The following VPS4B variants were observed in gnomAD, a reference collection of about 807,000 sequenced individuals.
VPS4B encodes vacuolar protein sorting 4 homolog B.
A neutral mutation model predicts 56.1 loss-of-function variants in VPS4B; 23 were observed. The observed-to-expected ratio is 0.41, with a 90% CI of 0.30 to 0.58. VPS4B has a LOEUF of 0.58. Ranked by LOEUF, VPS4B falls within the 20% of genes least tolerant of loss-of-function variation. VPS4B has a pLI of 0.29. For synonymous variants in VPS4B, 177 were observed against 186.0 expected, an observed-to-expected ratio of 0.95 and a Z score of 0.39; for missense variants, 372 against 531.9, an observed-to-expected ratio of 0.70 and a Z score of 2.96.
chr18:63,413,132 A>G (rs4530253), intron 1 of VPS4B, among the ~76,000 whole-genome samples: 91,242 of 152,010 alleles, frequency 0.6, 28,788 homozygotes, highest in East Asian at 0.88. Flanking sequence ...AAAAACACAT[A>G]AGGACAAGTA....
intron 4 of VPS4B, among the ~76,000 whole-genome samples, chr18:63,407,031 A>C (rs1033761979): frequency 9.2e-5 from 14 of 152,240 alleles, no homozygotes; most frequent in African/African-American, 3.1e-4. Flanking sequence ...ACCATCAATA[A>C]GTGAGCTACA....
intron 1 of VPS4B, among the ~76,000 whole-genome samples, chr18:63,421,017 G>C (rs1335258767): frequency 5.7e-5 from 8 of 140,234 alleles, no homozygotes; most frequent in African/African-American, 2.1e-4. Flanking sequence ...AAGCCTGGGC[G>C]ACCGTGCAAG....
intron 9 of VPS4B, 133 bp from the exon 10 acceptor site, chr18:63,393,682 T>C (rs2144410327): frequency 1.0e-6 from 1 of 977,620 alleles, no homozygotes; most frequent in South Asian, 3.3e-5. Flanking sequence ...GGAAAAAAAA[T>C]TAAGAATATA....
chr18:63,393,752 T>G (rs1339002477), intron 9 of VPS4B, among the ~76,000 whole-genome samples: 1 of 152,144 alleles, frequency 6.6e-6, no homozygotes, highest in South Asian at 2.1e-4. Flanking sequence ...TTAGTTTTTT[T>G]TTTGAAAGGG....
chr18:63,397,155 G>T lies in VPS4B; in HGVS notation c.971C>A (p.Ala324Glu). The change falls in exon 9 of 11, where the codon GCA (alanine) becomes GAA (glutamate). Residue 324 changes from alanine to glutamate, a missense_variant. Physicochemically the swap from Ala to Glu is moderately radical, Grantham distance 107. Transcript: ENST00000238497. ...TTTCCTCCCAAGTTCCCGAAAGTCT[G>T]CTTCCGTGAGACTGTTCTGAGTGGT... ...LGTTQNSLTE[A>E]DFRELGRKTD... 1 of 1,614,174 alleles carries T rather than the reference G, an allele frequency of 6.2e-7. No homozygotes were observed. Among genetic ancestry groups the T allele is most frequent in the Non-Finnish European group, 8.5e-7 (1 of 1,180,036 alleles).
rs1915758906 is a variant in VPS4B at position 63,399,320 on chromosome 18, A to G, written c.794T>C (p.Val265Ala). ...CAAAATTCCATCATTGTCTACACCA[A>G]CCCCTGCATTAAAATAGGTAATGCT... ...KTEFLVQMQGVGVDNDGILVL... is the reference protein window; with the variant it reads ...KTEFLVQMQGAGVDNDGILVL... The change falls in exon 8 of 11, where the codon GTT becomes GCT. Residue 265 changes from valine to alanine, a missense_variant. By Grantham distance (64) the Val-to-Ala change is moderately conservative. Transcript: ENST00000238497. 1 of 1,613,354 alleles carries G rather than the reference A, an allele frequency of 6.2e-7. No homozygotes were observed. The highest frequency in any genetic ancestry group is 8.5e-7 in the Non-Finnish European group (1 of 1,179,614).
intron 1 of VPS4B, among the ~76,000 whole-genome samples, chr18:63,419,188 C>T (rs897045520): frequency 2.0e-5 from 3 of 152,140 alleles, no homozygotes; most frequent in Admixed American, 6.6e-5. Flanking sequence ...TTTGGGAGGC[C>T]AACGGGGGTG....
At chr18:63,407,380 C>T in intron 4 of VPS4B, 52 bp downstream of exon 4, 2 of 1,420,280 alleles carry the variant, frequency 1.4e-6, no homozygotes, top group Non-Finnish European at 1.9e-6. Context: ...AGACAATTCA[C>T]TTTGAGTCTT....
chr18:63,393,330 C>T, intron 10 of VPS4B, 79 bp downstream of exon 10: 1 of 1,348,820 alleles, frequency 7.4e-7, no homozygotes, highest in Non-Finnish European at 9.7e-7. Context: ...CTAAGATTTT[C>T]CAGCAAATCT....
At position 63,390,584 on chromosome 18, in the gene VPS4B, C is replaced by G. The variant is rs1171015179; in HGVS notation, c.*391G>C. On this transcript the variant is annotated 3_prime_UTR_variant, in exon 11 of 11. Transcript: ENST00000238497. ...TTACATTGATAAGAATGATGTTTAA[C>G]AATTTTTTTGAAAATATAAAATAAA... The G allele has an allele frequency of 6.6e-6, 1 of 152,648 alleles. No individual in the cohort carries two copies. The highest frequency in any genetic ancestry group is 1.5e-5 in the Non-Finnish European group (1 of 68,456). The allele number at this position is 152,648 out of a possible 1,614,324, so 9.5% of individuals were successfully genotyped here. A position where few individuals can be genotyped will look rare whatever the true frequency, so the allele number is the denominator to read the frequency against.
rs921330190 is a variant in VPS4B at position 63,422,444 on chromosome 18, C to A, written c.-185G>T. The A allele has an allele frequency of 4.5e-6, 2 of 449,344 alleles. No homozygotes were observed. The highest frequency in any genetic ancestry group is 3.8e-6 in the Non-Finnish European group (1 of 265,312). 27.8% of individuals were successfully genotyped at this position (449,344 alleles called of 1,614,324 possible). A position where few individuals can be genotyped will look rare whatever the true frequency, so the allele number is the denominator to read the frequency against. On this transcript the variant is annotated 5_prime_UTR_variant, in exon 1 of 11. Coordinates refer to ENST00000238497, the MANE Select transcript of VPS4B (RefSeq NM_004869.4). Reference sequence around the variant, plus strand: ...CTCTCTCCACCAGAGCTCCGACCCTCCCCACCAAACTTCCGCAATCCCGAG... The same window carrying A: ...CTCTCTCCACCAGAGCTCCGACCCTACCCACCAAACTTCCGCAATCCCGAG...
rs903396786 is a variant in VPS4B at position 63,422,320 on chromosome 18, G to C, written c.-61C>G. ...GGCGAGGAGAGCCAACAGCAGCAAC[G>C]TCGAAGCGCGCACGGGGTAACAGCC... On this transcript the variant is annotated 5_prime_UTR_variant, in exon 1 of 11. Transcript: ENST00000238497. 122 of 1,425,626 alleles carry C rather than the reference G, an allele frequency of 8.6e-5. No homozygotes were observed. The highest frequency in any genetic ancestry group is 7.4e-4 in the Middle Eastern group (4 of 5,392). 88.3% of individuals were successfully genotyped at this position (1,425,626 alleles called of 1,614,324 possible).
chr18:63,394,251 T>G (rs191807211), intron 9 of VPS4B, among the ~76,000 whole-genome samples: 1 of 152,352 alleles, frequency 6.6e-6, no homozygotes, highest in East Asian at 1.9e-4. Context: ...GAGAAACTTC[T>G]GTAATATTTG....
Position 63,422,338 on chromosome 18 carries a change from T to TA in VPS4B, c.-80dup. ...CAGCAACGTCGAAGCGCGCACGGGG[T>TA]AACAGCCCTCAAACTGGGGAGGCCG... is the stretch of plus-strand genomic sequence containing the variant. On this transcript the variant is annotated 5_prime_UTR_variant, in exon 1 of 11. Transcript: ENST00000238497. 7.3e-7 allele frequency: 1 copy of TA among 1,360,962 alleles called. No homozygotes were observed. The allele number at this position is 1,360,962 out of a possible 1,614,324, so 84.3% of individuals were successfully genotyped here.
At chr18:63,420,201 C>A (rs1204112612) in intron 1 of VPS4B, among the ~76,000 whole-genome samples, 1 of 152,142 alleles carries the variant, frequency 6.6e-6, no homozygotes, top group Admixed American at 6.5e-5. Flanking sequence ...TAACCCAGCA[C>A]TTTGGGAGGC....
intron 1 of VPS4B, among the ~76,000 whole-genome samples, chr18:63,412,402 C>T (rs1475280637): frequency 6.6e-6 from 1 of 152,078 alleles, no homozygotes; most frequent in Non-Finnish European, 1.5e-5. Context: ...TCATTTTCTA[C>T]TTTTTCACAT....
At chr18:63,409,608 T>C (rs1229114382) in intron 3 of VPS4B, among the ~76,000 whole-genome samples, 5 of 152,210 alleles carry the variant, frequency 3.3e-5, no homozygotes, top group Admixed American at 2.6e-4. Flanking sequence ...GGCACGCATA[T>C]GTCATGTACT....
At chr18:63,393,008 AG>A (rs775876421) in intron 10 of VPS4B, among the ~76,000 whole-genome samples, 1 of 152,180 alleles carries the variant, frequency 6.6e-6, no homozygotes, top group Non-Finnish European at 1.5e-5. Context: ...GGCCTCCCAA[AG>A]TGCTGGGATT....
chr18:63,422,120 T>C, intron 1 of VPS4B, 113 bp downstream of exon 1: 5 of 1,225,958 alleles, frequency 4.1e-6, no homozygotes, highest in South Asian at 3.7e-5. Context: ...CCCGCCCTCC[T>C]GCGCCTCGAC....
Sources: allele counts gnomAD v4.1 joint callset (sites outside exome capture counted in the v4.1 genomes callset), GRCh38; gene constraint gnomAD v4.1.1; transcripts MANE v1.5; gene names NCBI Gene and HGNC (gene_info 2026-07-23, HGNC 2026-07-21).